PRSS23: variants seen among roughly 807,000 people sequenced by gnomAD.
PRSS23 encodes the protein serine protease 23.
Under a neutral mutation model 34.7 loss-of-function variants are expected in PRSS23, and 25 were observed. The observed-to-expected ratio is 0.72, with a 90% CI of 0.53 to 1.01. The LOEUF (loss-of-function observed/expected upper bound fraction) is 1.01. Ranked by LOEUF, PRSS23 falls within the 50% of genes least tolerant of loss-of-function variation. The pLI is 0.00. For missense variants in PRSS23, 445 were observed against 475.6 expected, an observed-to-expected ratio of 0.94 and a Z score of 0.60; for synonymous variants, 176 against 186.6, an observed-to-expected ratio of 0.94 and a Z score of 0.46.
rs1565351596 is a variant in PRSS23 at position 86,809,060 on chromosome 11, C to T, written c.*265C>T. 4 of 353,734 alleles carry T rather than the reference C, an allele frequency of 1.1e-5. No individual in the cohort carries two copies. 21.9% of individuals were successfully genotyped at this position (353,734 alleles called of 1,614,324 possible). On this transcript the variant is annotated 3_prime_UTR_variant, in exon 2 of 2. Coordinates refer to ENST00000280258, the MANE Select transcript of PRSS23 (RefSeq NM_007173.6). ...AAATAAAAAAAATACTGATTTGGGG[C>T]AATGAGGAATATTTGACAATTAAGT...
chr11:86,925,744 TC>T (rs1949076789), intron 2 of PRSS23, among the ~76,000 whole-genome samples: 1 of 152,238 alleles, frequency 6.6e-6, no homozygotes, highest in African/African-American at 2.4e-5. Flanking sequence ...TGTAAGACTT[TC>T]CAGTTAGTAG....
At chr11:86,826,980 T>TTTGG (rs1469259068) in intron 2 of PRSS23, among the ~76,000 whole-genome samples, 2 of 152,158 alleles carry the variant, frequency 1.3e-5, no homozygotes, top group African/African-American at 4.8e-5. Flanking sequence ...TCTGCCCAGC[T>TTTGG]TTGGTATCAG....
chr11:86,900,638 G>T (rs1024780357), intron 2 of PRSS23, among the ~76,000 whole-genome samples: 1 of 151,974 alleles, frequency 6.6e-6, no homozygotes, highest in Non-Finnish European at 1.5e-5. Context: ...ACCTGTGTTT[G>T]CCTCTGACAG....
chr11:86,931,666 T>A (rs139804662), intron 2 of PRSS23, among the ~76,000 whole-genome samples: 1 of 152,184 alleles, frequency 6.6e-6, no homozygotes, highest in East Asian at 1.9e-4. Flanking sequence ...AGTTACCCAG[T>A]GTATACAACT....
intron 2 of PRSS23, among the ~76,000 whole-genome samples, chr11:86,853,242 C>CTTTTTTTT (rs561682096): frequency 2.1e-5 from 1 of 47,792 alleles, no homozygotes; most frequent in Non-Finnish European, 3.7e-5. Flanking sequence ...AAGTGCCTGC[C>CTTTTTTTT]TTTTTTTTTT....
intron 2 of PRSS23, among the ~76,000 whole-genome samples, chr11:86,888,159 G>T (rs1948817942): frequency 6.7e-6 from 1 of 149,610 alleles, no homozygotes; most frequent in African/African-American, 2.5e-5. Flanking sequence ...TGCCACATAA[G>T]GCATGGTTAA....
At chr11:86,951,288 T>G (rs765834466) in exon 3 of PRSS23, 2 of 1,614,078 alleles carry the variant, frequency 1.2e-6, no homozygotes, top group Non-Finnish European at 8.5e-7. Flanking sequence ...ATGCCTGAAG[T>G]GATGCCCACC....
At chr11:86,807,486 T>C in intron 1 of PRSS23, 145 bp from the exon 2 acceptor site, 1 of 803,340 alleles carries the variant, frequency 1.2e-6, no homozygotes, top group Non-Finnish European at 1.9e-6. Flanking sequence ...GAGACCGTTA[T>C]CTAAGGATTC....
At chr11:86,834,834 G>T (rs1230649718) in intron 2 of PRSS23, among the ~76,000 whole-genome samples, 1 of 152,112 alleles carries the variant, frequency 6.6e-6, no homozygotes, top group South Asian at 2.1e-4. Context: ...CCCGAGTAAG[G>T]GCTATTAGTT....
intron 2 of PRSS23, among the ~76,000 whole-genome samples, chr11:86,847,403 A>G (rs1052116301): frequency 6.6e-6 from 1 of 152,192 alleles, no homozygotes; most frequent in African/African-American, 2.4e-5. Flanking sequence ...CCCATTTAGT[A>G]GTCAATGGGT....
chr11:86,849,910 C>G (rs554260840), intron 2 of PRSS23, among the ~76,000 whole-genome samples: 1 of 152,140 alleles, frequency 6.6e-6, no homozygotes, highest in African/African-American at 2.4e-5. Context: ...GAGCCCTAGA[C>G]ATAGTAACAG....
chr11:86,931,442 A>T (rs1039487915), intron 2 of PRSS23, among the ~76,000 whole-genome samples: 29 of 152,176 alleles, frequency 1.9e-4, no homozygotes, highest in Admixed American at 1.3e-4. Context: ...CACACACAAC[A>T]TGAATGAGTC....
intron 2 of PRSS23, among the ~76,000 whole-genome samples, chr11:86,915,199 T>A (rs1850541212): frequency 6.6e-6 from 1 of 152,098 alleles, no homozygotes; most frequent in African/African-American, 2.4e-5. Context: ...TAGGATTAAG[T>A]TTTTTGAGCA....
intron 2 of PRSS23, among the ~76,000 whole-genome samples, chr11:86,853,028 A>G (rs2134921031): frequency 6.6e-6 from 1 of 150,938 alleles, no homozygotes; most frequent in African/African-American, 2.4e-5. Flanking sequence ...TAATTTTTGT[A>G]TTTTTAATAG....
chr11:86,887,845 C>T (rs142305734), intron 2 of PRSS23, among the ~76,000 whole-genome samples: 5,664 of 152,020 alleles, frequency 0.037, 133 homozygotes, highest in Non-Finnish European at 0.054. Context: ...TGAGGTCAGG[C>T]GTTCGAGACC....
At chr11:86,920,315 T>C (rs11234876) in intron 2 of PRSS23, among the ~76,000 whole-genome samples, 27,413 of 152,236 alleles carry the variant, frequency 0.18, 2,616 homozygotes, top group East Asian at 0.33. Context: ...TCTTCAAATA[T>C]TTAATAAGCA....
intron 2 of PRSS23, among the ~76,000 whole-genome samples, chr11:86,885,188 A>G (rs550179309): frequency 2.0e-5 from 3 of 152,196 alleles, no homozygotes; most frequent in Admixed American, 6.5e-5. Context: ...TTAAATTTCT[A>G]TCACCATCAG....
At chr11:86,825,599 T>G (rs1321082467) in intron 2 of PRSS23, among the ~76,000 whole-genome samples, 3 of 150,724 alleles carry the variant, frequency 2.0e-5, no homozygotes, top group Non-Finnish European at 4.5e-5. Flanking sequence ...TCTTCTAGGG[T>G]TTTTATGGTT....
At chr11:86,939,423 T>TTTTTTTTTTTAAAAAAAA (rs1565392807) in intron 2 of PRSS23, among the ~76,000 whole-genome samples, 1 of 100,430 alleles carries the variant, frequency 1.0e-5, no homozygotes, top group Non-Finnish European at 2.2e-5. Flanking sequence ...TATATATATA[T>TTTTTTTTTTTAAAAAAAA]ATATTTTTTA....
Sources: gnomAD v4.1 joint callset for allele counts (sites outside exome capture counted in the v4.1 genomes callset) on GRCh38, gnomAD v4.1.1 for gene constraint, MANE v1.5 for transcripts, NCBI Gene and HGNC (gene_info 2026-07-23, HGNC 2026-07-21) for gene names.